Variants in MAP7 observed in about 807,000 individuals in gnomAD.
MAP7 encodes ensconsin.
In MAP7, 52 loss-of-function variants were observed where a neutral mutation model predicts 94.8. The observed-to-expected ratio is 0.55, with a 90% CI of 0.44 to 0.69. The LOEUF (loss-of-function observed/expected upper bound fraction) is 0.69. MAP7 is among the 30% of genes least tolerant of loss of function. MAP7 has a pLI of 0.00. For missense variants in MAP7, 940 were observed against 964.6 expected, an observed-to-expected ratio of 0.97 and a Z score of 0.34; for synonymous variants, 350 against 357.0, an observed-to-expected ratio of 0.98 and a Z score of 0.22.
Position 136,550,324 on chromosome 6 carries a change from T to C in MAP7, c.67+18A>G. ...CCCCTGCCCGACGGGACCCCCACTA[T>C]CCCCGCTGTGCGGTCACCTGTTTCG... On this transcript the variant is annotated intron_variant, in intron 1 of 17. Transcript: ENST00000354570. This position sits in a 1 kb window ranked among gnomAD's most constrained non-coding sequence, Gnocchi z 5.1. 2 of 1,503,632 alleles carry C rather than the reference T, an allele frequency of 1.3e-6. No individual in the cohort carries two copies. The highest frequency in any genetic ancestry group is 1.8e-6 in the Non-Finnish European group (2 of 1,132,966). 93.1% of individuals were successfully genotyped at this position (1,503,632 alleles called of 1,614,324 possible).
At chr6:136,379,652 GAAA>G (rs1777188822) in intron 6 of MAP7, among the ~76,000 whole-genome samples, 1 of 152,192 alleles carries the variant, frequency 6.6e-6, no homozygotes, top group Non-Finnish European at 1.5e-5. Flanking sequence ...CCTTTTCTTA[GAAA>G]AACTGTACGA....
intron 3 of MAP7, among the ~76,000 whole-genome samples, chr6:136,391,019 A>G (rs1303446333): frequency 6.6e-6 from 1 of 152,188 alleles, no homozygotes; most frequent in Non-Finnish European, 1.5e-5. Flanking sequence ...CAAGGTTCCT[A>G]CCAATTTTCA....
chr6:136,357,756 G>A (rs1369413866), intron 15 of MAP7, among the ~76,000 whole-genome samples: 1 of 152,194 alleles, frequency 6.6e-6, no homozygotes, highest in Non-Finnish European at 1.5e-5. Flanking sequence ...GCCTCCCAAA[G>A]TGTTGGGATT....
chr6:136,451,103 TC>T (rs1463047760), intron 1 of MAP7, among the ~76,000 whole-genome samples: 2 of 152,208 alleles, frequency 1.3e-5, no homozygotes, highest in African/African-American at 4.8e-5. Flanking sequence ...AAGGGATGGC[TC>T]TAAATCTAAA....
rs1434293762 is a variant in MAP7 at position 136,407,412 on chromosome 6, A to G, written c.244+4208T>C. 3.3e-5 allele frequency among the ~76,000 whole-genome samples: 5 copies of G among 152,356 alleles called. No homozygotes were observed. In the East Asian group the frequency reaches 9.6e-4, roughly 29 times the overall value. ...AGTGAAAGGATGATAAATTTCTAAA[A>G]GGAGATTTTCTAGGAAGCCTTTAAA... On this transcript the variant is annotated intron_variant, in intron 3 of 17. Transcript: ENST00000354570.
chr6:136,406,207 T>A (rs1785547474), intron 3 of MAP7, among the ~76,000 whole-genome samples: 1 of 152,206 alleles, frequency 6.6e-6, no homozygotes, highest in Non-Finnish European at 1.5e-5. Context: ...TTACTCTTAA[T>A]GGACTCAAAG....
intron 16 of MAP7, among the ~76,000 whole-genome samples, chr6:136,349,485 C>T (rs1230577654): frequency 1.3e-5 from 2 of 152,098 alleles, no homozygotes; most frequent in Admixed American, 6.5e-5. Context: ...GCGATCCTCC[C>T]GCCTCAGCCT....
intron 3 of MAP7, among the ~76,000 whole-genome samples, chr6:136,393,583 T>C (rs1320265308): frequency 1.3e-5 from 2 of 152,174 alleles, no homozygotes; most frequent in African/African-American, 4.8e-5. Context: ...AGCTCACTGC[T>C]GATCTTGTGA....
At chr6:136,381,055 T>C (rs1369036209) in intron 6 of MAP7, among the ~76,000 whole-genome samples, 1 of 152,250 alleles carries the variant, frequency 6.6e-6, no homozygotes, top group Non-Finnish European at 1.5e-5. Context: ...GACCCATTTG[T>C]CTATAAGGTC....
At chr6:136,432,554 C>T (rs1462412814) in intron 1 of MAP7, among the ~76,000 whole-genome samples, 3 of 152,110 alleles carry the variant, frequency 2.0e-5, no homozygotes, top group African/African-American at 4.8e-5. Flanking sequence ...AAAGGTTCCC[C>T]GATCAAACCC....
chr6:136,483,870 A>C (rs1813746903), intron 1 of MAP7, among the ~76,000 whole-genome samples: 1 of 152,212 alleles, frequency 6.6e-6, no homozygotes, highest in Admixed American at 6.5e-5. Context: ...CCTTTTTTCA[A>C]CAGAAAAAAA....
At chr6:136,473,810 CTGAT>C (rs1402653720) in intron 1 of MAP7, among the ~76,000 whole-genome samples, 3 of 152,126 alleles carry the variant, frequency 2.0e-5, no homozygotes, top group East Asian at 1.9e-4. Flanking sequence ...TTGCTTCATC[CTGAT>C]TGATGGTGGT....
At chr6:136,456,284 A>G (rs1346617082) in intron 1 of MAP7, among the ~76,000 whole-genome samples, 4 of 152,224 alleles carry the variant, frequency 2.6e-5, no homozygotes, top group Non-Finnish European at 2.9e-5. Flanking sequence ...ATCTTGAGAC[A>G]TAAGAAAACA....
chr6:136,387,757 AG>A (rs1779569518), intron 5 of MAP7, among the ~76,000 whole-genome samples: 1 of 152,162 alleles, frequency 6.6e-6, no homozygotes, highest in South Asian at 2.1e-4. Context: ...TAAAAAAAAA[AG>A]GTTATCAGAT....
intron 2 of MAP7, chr6:136,420,529 T>C: frequency 3.5e-6 from 1 of 284,142 alleles, no homozygotes; most frequent in Non-Finnish European, 6.7e-6. Context: ...AGGGTTCATG[T>C]TGTTTGCTCA....
chr6:136,411,706 G>A lies in MAP7; in HGVS notation c.167-9C>T, dbSNP rs1394691341. The A allele has an allele frequency of 7.8e-6, 12 of 1,544,180 alleles. No individual in the cohort carries two copies. The highest frequency in any genetic ancestry group is 4.0e-5 in the Admixed American group (2 of 50,110). ...TAACACAGGCGGAGGGTCTGAAAGC[G>A]AGATTAAAAAAAACATGAGATGAAG... is the stretch of plus-strand genomic sequence containing the variant. On this transcript the variant is annotated splice_polypyrimidine_tract_variant and intron_variant, in intron 2 of 17. Coordinates refer to ENST00000354570, the MANE Select transcript of MAP7 (RefSeq NM_003980.6).
chr6:136,456,818 A>AG (rs1562422323), intron 1 of MAP7, among the ~76,000 whole-genome samples: 63 of 97,262 alleles, frequency 6.5e-4, no homozygotes, highest in African/African-American at 1.2e-3. Context: ...AAGAAGAAGA[A>AG]GAAGGAAGAA....
intron 1 of MAP7, among the ~76,000 whole-genome samples, chr6:136,458,740 T>C (rs1002631915): frequency 3.3e-5 from 5 of 152,106 alleles, no homozygotes; most frequent in African/African-American, 1.2e-4. Flanking sequence ...ATTAGACCTA[T>C]ACACAAAAAT....
intron 1 of MAP7, among the ~76,000 whole-genome samples, chr6:136,458,447 C>G (rs985541215): frequency 1.3e-5 from 2 of 151,908 alleles, no homozygotes; most frequent in African/African-American, 4.8e-5. Flanking sequence ...ATATGGAACC[C>G]CAAAGACTCT....
Sources: allele counts gnomAD v4.1 joint callset (sites outside exome capture counted in the v4.1 genomes callset), GRCh38; gene constraint gnomAD v4.1.1; non-coding constraint Gnocchi (gnomAD v3.1); transcripts MANE v1.5; gene names NCBI Gene and HGNC (gene_info 2026-07-23, HGNC 2026-07-21).